The following UBR1 variants were observed in gnomAD, a reference collection of about 807,000 sequenced individuals.
UBR1 encodes ubiquitin protein ligase E3 component n-recognin 1.
UBR1 carries 102 observed loss-of-function variants against 242.1 expected under a neutral mutation model. That is an observed-to-expected ratio of 0.42 (90% CI 0.36 to 0.50). The LOEUF is 0.50. Ranked by LOEUF, UBR1 falls within the 20% of genes least tolerant of loss-of-function variation. UBR1 has a pLI of 0.01. For missense variants in UBR1, 1,772 were observed against 2,101.8 expected (o/e 0.84, Z 3.07); for synonymous variants, 675 against 684.8 (o/e 0.99, Z 0.22).
intron 12 of UBR1, among the ~76,000 whole-genome samples, chr15:43,050,667 T>C (rs2033543421): frequency 6.8e-6 from 1 of 146,074 alleles, no homozygotes; most frequent in Non-Finnish European, 1.5e-5. Context: ...GAGGTTGCAG[T>C]GAGCCAAGAT....
At chr15:42,997,955 G>C (rs2032665393) in intron 33 of UBR1, among the ~76,000 whole-genome samples, 1 of 152,114 alleles carries the variant, frequency 6.6e-6, no homozygotes, top group Non-Finnish European at 1.5e-5. Flanking sequence ...GGACTTGATA[G>C]TATAATCACT....
chr15:43,020,712 T>G (rs1225954863), intron 27 of UBR1, among the ~76,000 whole-genome samples: 1 of 152,198 alleles, frequency 6.6e-6, no homozygotes, highest in Non-Finnish European at 1.5e-5. Flanking sequence ...TGCCCACTTT[T>G]CCATCCCTCA....
intron 1 of UBR1, among the ~76,000 whole-genome samples, chr15:43,091,163 C>G (rs541814591): frequency 4.6e-5 from 7 of 152,194 alleles, no homozygotes; most frequent in African/African-American, 1.7e-4. Context: ...GTCTTGAACT[C>G]CCGACCTCAG....
chr15:43,085,920 CAAAAAA>C (rs77056940), intron 2 of UBR1, 58 bp downstream of exon 2: 15 of 1,247,640 alleles, frequency 1.2e-5, no homozygotes, highest in African/African-American at 4.7e-5. Flanking sequence ...GACTCTGTTT[CAAAAAA>C]AAAAAAAAAA....
rs1167703279 is a variant in UBR1 at position 42,944,405 on chromosome 15, T to C, written c.*924A>G. On this transcript the variant is annotated 3_prime_UTR_variant, in exon 47 of 47. Transcript: ENST00000290650. The stretch of plus-strand genomic sequence containing the variant: ...ATCAAGGATTTGTCTTTTACAAAGA[T>C]ATAGAAGACTGCGGAATTGGTTTAA... 1 of 152,500 alleles carries C rather than the reference T, an allele frequency of 6.6e-6. No homozygotes were observed. Among genetic ancestry groups the C allele is most frequent in the African/African-American group, 2.4e-5 (1 of 41,460 alleles). 9.4% of individuals were successfully genotyped at this position (152,500 alleles called of 1,614,324 possible).
At chr15:43,001,539 T>C (rs2141284706) in intron 32 of UBR1, among the ~76,000 whole-genome samples, 1 of 152,358 alleles carries the variant, frequency 6.6e-6, no homozygotes. Flanking sequence ...AAAACCATTT[T>C]CTTTAGGAGA....
chr15:43,037,679 C>A, intron 17 of UBR1, 94 bp downstream of exon 17: 1 of 1,001,698 alleles, frequency 1.0e-6, no homozygotes, highest in East Asian at 2.7e-5. Context: ...AACATACACT[C>A]AGTAAAATCT....
chr15:43,099,168 C>T (rs1300655428), intron 1 of UBR1, among the ~76,000 whole-genome samples: 1 of 151,990 alleles, frequency 6.6e-6, no homozygotes, highest in East Asian at 1.9e-4. Flanking sequence ...AAAATCCCGT[C>T]TCTACTAAAA....
Position 43,032,647 on chromosome 15 carries a change from A to G in UBR1, c.2191-16T>C. ...TAATCAAATCCTATAGAATCGAAAA[A>G]GAGTAAATTAGTTATGGAAGAACCA... On this transcript the variant is annotated splice_polypyrimidine_tract_variant and intron_variant, in intron 19 of 46. Transcript: ENST00000290650. The G allele has an allele frequency of 6.9e-7, 1 of 1,455,096 alleles. No individual in the cohort carries two copies. The highest frequency in any genetic ancestry group is 9.5e-7 in the Non-Finnish European group (1 of 1,049,624). The allele number at this position is 1,455,096 out of a possible 1,614,324, so 90.1% of individuals were successfully genotyped here.
chr15:42,961,112 C>CCTT (rs1555441994), intron 42 of UBR1, among the ~76,000 whole-genome samples: 10 of 141,260 alleles, frequency 7.1e-5, no homozygotes, highest in South Asian at 2.3e-4. Flanking sequence ...TATGTTCCCC[C>CCTT]TTTTTTTTTT....
rs572772116 is a variant in UBR1, at chr15:42,970,021, A to G, written c.4457+499T>C. ...TAAATTTCACATGGAACCAAAAAAG[A>G]GCCCGTATAGCCAAGACAATCCTAA... On this transcript the variant is annotated intron_variant, in intron 40 of 46. Transcript: ENST00000290650. Among the ~76,000 whole-genome samples the G allele has an allele frequency of 1.7e-4, 26 of 152,346 alleles. No homozygotes were observed. The South Asian group carries it at 5.0e-3, about 29-fold the overall frequency.
chr15:43,075,065 A>T lies in UBR1; in HGVS notation c.442T>A (p.Phe148Ile). 6.2e-7 allele frequency: 1 copy of T among 1,613,976 alleles called. No homozygotes were observed. Among genetic ancestry groups the T allele is most frequent in the Non-Finnish European group, 8.5e-7 (1 of 1,179,860 alleles). ...GCCTCTGTGTCTCCACAGTCACAGAACCCTCCTCCAGTAGAAGTATGCATC... is the reference window on the plus strand; with the variant it reads ...GCCTCTGTGTCTCCACAGTCACAGATCCCTCCTCCAGTAGAAGTATGCATC... ...YKMHTSTGGG[F>I]CDCGDTEAWK... The change falls in exon 4 of 47, where the codon TTC becomes ATC. Residue 148 changes from phenylalanine (F) to isoleucine (I), a missense_variant. Coordinates refer to ENST00000290650, the MANE Select transcript of UBR1 (RefSeq NM_174916.3).
At chr15:43,002,757 A>T (rs1312976241) in intron 31 of UBR1, 53 bp from the exon 32 acceptor site, 37 of 1,611,570 alleles carry the variant, frequency 2.3e-5, no homozygotes, top group Admixed American at 3.3e-5. Flanking sequence ...GCATCTCTAC[A>T]TGTGTATCTC....
chr15:43,012,124 G>T (rs1380375030), intron 29 of UBR1, among the ~76,000 whole-genome samples: 1 of 152,170 alleles, frequency 6.6e-6, no homozygotes, highest in East Asian at 1.9e-4. Context: ...TTACTCGGGA[G>T]GCTGAGGCAG....
chr15:43,037,996 C>G (rs1462144712), intron 16 of UBR1, 113 bp from the exon 17 acceptor site: 1 of 1,217,128 alleles, frequency 8.2e-7, no homozygotes, highest in Non-Finnish European at 1.2e-6. Context: ...AGAGCTTGAA[C>G]TAGATGACGT....
At chr15:42,952,155 G>C in intron 45 of UBR1, 123 bp downstream of exon 45, 2 of 1,213,698 alleles carry the variant, frequency 1.6e-6, no homozygotes, top group Non-Finnish European at 2.4e-6. Flanking sequence ...GTCAATAACA[G>C]GTTAATACTC....
chr15:43,099,010 A>G (rs561808025), intron 1 of UBR1, among the ~76,000 whole-genome samples: 16 of 152,264 alleles, frequency 1.1e-4, no homozygotes, highest in African/African-American at 3.4e-4. Flanking sequence ...CCTCACTTCT[A>G]TATTGAAGTC....
At chr15:42,959,119 C>T (rs954883087) in intron 43 of UBR1, among the ~76,000 whole-genome samples, 1 of 152,200 alleles carries the variant, frequency 6.6e-6, no homozygotes, top group Non-Finnish European at 1.5e-5. Flanking sequence ...GTGTGAGCCA[C>T]GGCGCCTGGC....
chr15:42,970,587 G>A lies in UBR1; in HGVS notation c.4390C>T (p.Gln1464Ter). The A allele has an allele frequency of 6.2e-7, 1 of 1,613,748 alleles. No homozygotes were observed. The highest frequency in any genetic ancestry group is 8.5e-7 in the Non-Finnish European group (1 of 1,180,000). ...VDTGLPLAQVQEDSEEAHSAS... is the reference protein window; with the variant it reads ...VDTGLPLAQV ...GAATGAGCCTCTTCACTGTCTTCTT[G>A]AACCTGAGCAAGGGGTAGGCCTGAA... Residue 1464 changes from glutamine to a stop codon, truncating the protein, a stop_gained, in exon 40 of 47, where the codon CAA (glutamine) becomes TAA (stop). Transcript: ENST00000290650. LOFTEE classifies it high-confidence loss of function.
Sources: gnomAD v4.1 joint callset for allele counts (sites outside exome capture counted in the v4.1 genomes callset) on GRCh38, gnomAD v4.1.1 for gene constraint, MANE v1.5 for transcripts, NCBI Gene and HGNC (gene_info 2026-07-23, HGNC 2026-07-21) for gene names.